Variants in ADTRP observed in about 807,000 individuals in gnomAD.
ADTRP encodes the protein androgen-dependent TFPI-regulating protein.
Under a neutral mutation model 27.0 loss-of-function variants are expected in ADTRP, and 20 were observed. The observed-to-expected ratio is 0.74, with a 90% CI of 0.52 to 1.08. The LOEUF is 1.08. Among genes scored for constraint, ADTRP ranks in the 50% least tolerant of loss-of-function variants. The pLI, the probability that ADTRP is intolerant of heterozygous loss-of-function variation, is 0.00. For synonymous variants in ADTRP, 101 were observed against 105.2 expected (o/e 0.96, Z 0.25); for missense variants, 251 against 275.0 (o/e 0.91, Z 0.62).
chr6:11,751,142 CCTGGCT>C (rs1763034475), intron 3 of ADTRP, among the ~76,000 whole-genome samples: 1 of 152,216 alleles, frequency 6.6e-6, no homozygotes, highest in South Asian at 2.1e-4. Flanking sequence ...AACCACTGCT[CCTGGCT>C]CTGACTACAT....
intron 5 of ADTRP, among the ~76,000 whole-genome samples, chr6:11,720,730 C>T (rs757323855): frequency 4.6e-5 from 7 of 152,178 alleles, no homozygotes; most frequent in Non-Finnish European, 8.8e-5. Context: ...TTCCAGTGCT[C>T]TTTCCCCTGT....
chr6:11,724,338 T>C (rs1762120552), intron 4 of ADTRP, among the ~76,000 whole-genome samples: 1 of 152,144 alleles, frequency 6.6e-6, no homozygotes, highest in South Asian at 2.1e-4. Flanking sequence ...ACAATATGCC[T>C]AGGATTTAAC....
chr6:11,744,824 C>T (rs1235287845), intron 3 of ADTRP, among the ~76,000 whole-genome samples: 1 of 152,204 alleles, frequency 6.6e-6, no homozygotes, highest in African/African-American at 2.4e-5. Context: ...GATCTACTCT[C>T]ACTTTTGGGA....
At chr6:11,738,349 G>A (rs1302881853) in intron 3 of ADTRP, among the ~76,000 whole-genome samples, 1 of 152,152 alleles carries the variant, frequency 6.6e-6, no homozygotes, top group East Asian at 1.9e-4. Context: ...CCCAGTCAAG[G>A]CCACCTTGGA....
chr6:11,762,178 G>A lies in ADTRP; in HGVS notation c.390+4096C>T, dbSNP rs118045367. On this transcript the variant is annotated intron_variant, in intron 3 of 5. Transcript: ENST00000414691. ...ACTTCCCAGCACATCCCTGGGAGAC[G>A]GCTCAAAGGCCATCCAGGCCAACTA... Among the ~76,000 whole-genome samples, 1,353 of 152,308 alleles carry A rather than the reference G, an allele frequency of 8.9e-3. 29 individuals carry two copies. Among genetic ancestry groups the A allele is most frequent in the Admixed American group, 0.045 (682 of 15,296 alleles).
intron 3 of ADTRP, among the ~76,000 whole-genome samples, chr6:11,762,097 T>G (rs777723202): frequency 6.6e-6 from 1 of 152,212 alleles, no homozygotes; most frequent in Non-Finnish European, 1.5e-5. Context: ...TCATCTTGCA[T>G]GCTATGACTG....
chr6:11,766,308 T>C lies in ADTRP; in HGVS notation c.356A>G (p.Asp119Gly). 6.2e-7 allele frequency: 1 copy of C among 1,612,964 alleles called. No individual in the cohort carries two copies. Among genetic ancestry groups the C allele is most frequent in the Non-Finnish European group, 8.5e-7 (1 of 1,179,400 alleles). The change falls in exon 3 of 6, where the codon GAT becomes GGT. Residue 119 changes from aspartate to glycine, a missense_variant. Transcript: ENST00000414691. ...NRDLIYPKVL[D>G]TVIPVWLNHA... ...ATTCAGCCACACGGGGATGACAGTA[T>C]CTAGGACCTTGGGGTAAATGAGATC...
chr6:11,743,091 T>A (rs1387381766), intron 3 of ADTRP, among the ~76,000 whole-genome samples: 1 of 152,242 alleles, frequency 6.6e-6, no homozygotes, highest in South Asian at 2.1e-4. Flanking sequence ...TGCCTTCTCA[T>A]GGGATGCTCA....
intron 4 of ADTRP, among the ~76,000 whole-genome samples, chr6:11,729,609 C>T (rs2294428): frequency 0.31 from 47,258 of 151,862 alleles, 9,173 homozygotes; most frequent in Non-Finnish European, 0.44. Flanking sequence ...GCTGCATCTC[C>T]TCAGCCCCAT....
At chr6:11,742,968 T>C (rs1051509875) in intron 3 of ADTRP, among the ~76,000 whole-genome samples, 1 of 152,234 alleles carries the variant, frequency 6.6e-6, no homozygotes, top group Non-Finnish European at 1.5e-5. Flanking sequence ...ATCTAAATAC[T>C]TGGAGAAATT....
rs1471281201 is a variant in ADTRP at position 11,758,579 on chromosome 6, G to T, written c.390+7695C>A. ...ACACCGGGGACTGTTGTGGGGTGGGGGGGGGGGACGGATAGCATTAGGAGG... is the reference window on the plus strand; with the variant it reads ...ACACCGGGGACTGTTGTGGGGTGGGTGGGGGGGACGGATAGCATTAGGAGG... On this transcript the variant is annotated intron_variant, in intron 3 of 5. Transcript: ENST00000414691. Among the ~76,000 whole-genome samples the T allele has an allele frequency of 4.3e-5, 5 of 116,796 alleles. 1 individual carries two copies. The highest frequency in any genetic ancestry group is 1.4e-4 in the African/African-American group (4 of 28,770). The allele number at this position is 116,796 out of a possible 152,430, so 76.6% of individuals were successfully genotyped here.
chr6:11,775,410 A>G (rs984352134), intron 1 of ADTRP, among the ~76,000 whole-genome samples: 2 of 151,816 alleles, frequency 1.3e-5, no homozygotes, highest in Non-Finnish European at 2.9e-5. Context: ...CAGACGTGGA[A>G]ATGAAAGACA....
chr6:11,740,485 A>C (rs925221608), intron 3 of ADTRP, among the ~76,000 whole-genome samples: 1 of 152,246 alleles, frequency 6.6e-6, no homozygotes, highest in African/African-American at 2.4e-5. Context: ...AATACAATAG[A>C]CATAGAAATG....
At chr6:11,736,537 C>T (rs527338215) in intron 3 of ADTRP, 2 of 152,640 alleles carry the variant, frequency 1.3e-5, no homozygotes, top group South Asian at 2.1e-4. Context: ...CCTGTTAGAC[C>T]GAGGCTGTCT....
At chr6:11,724,137 T>C (rs1290452243) in intron 4 of ADTRP, among the ~76,000 whole-genome samples, 1 of 152,150 alleles carries the variant, frequency 6.6e-6, no homozygotes, top group Admixed American at 6.5e-5. Context: ...TGTGGGAACA[T>C]GAATGATCCC....
chr6:11,735,233 T>C (rs1762511482), intron 4 of ADTRP, among the ~76,000 whole-genome samples: 1 of 152,216 alleles, frequency 6.6e-6, no homozygotes, highest in Admixed American at 6.5e-5. Flanking sequence ...CCCTCAGCCA[T>C]TCAAGCATGT....
chr6:11,716,893 T>A (rs1581301592), intron 5 of ADTRP, among the ~76,000 whole-genome samples: 1 of 149,574 alleles, frequency 6.7e-6, no homozygotes, highest in Non-Finnish European at 1.5e-5. Flanking sequence ...TTTTTTTTTT[T>A]TTTTGTATTT....
intron 1 of ADTRP, among the ~76,000 whole-genome samples, chr6:11,775,767 G>A (rs1437206517): frequency 5.3e-5 from 8 of 152,172 alleles, no homozygotes; most frequent in Non-Finnish European, 1.2e-4. Flanking sequence ...AAGGGGAACT[G>A]GGGCAATGCT....
At chr6:11,760,981 G>T (rs928555864) in intron 3 of ADTRP, among the ~76,000 whole-genome samples, 7 of 152,144 alleles carry the variant, frequency 4.6e-5, no homozygotes, top group African/African-American at 1.7e-4. Flanking sequence ...AGTCACATGA[G>T]GCATAATCTG....
Sources: gnomAD v4.1 joint callset for allele counts (sites outside exome capture counted in the v4.1 genomes callset) on GRCh38, gnomAD v4.1.1 for gene constraint, MANE v1.5 for transcripts, NCBI Gene and HGNC (gene_info 2026-07-23, HGNC 2026-07-21) for gene names.